The following GALNTL6 variants were observed in gnomAD, a reference collection of about 807,000 sequenced individuals.
GALNTL6 encodes the protein polypeptide N-acetylgalactosaminyltransferase-like 6.
GALNTL6 carries 46 observed loss-of-function variants against 73.7 expected under a neutral mutation model. That is an observed-to-expected ratio of 0.62 (90% CI 0.49 to 0.80). The LOEUF (loss-of-function observed/expected upper bound fraction) is 0.80. Among genes scored for constraint, GALNTL6 ranks in the 30% least tolerant of loss-of-function variants. GALNTL6 has a pLI of 0.00. For missense variants in GALNTL6, 604 were observed against 755.0 expected (o/e 0.80, Z 2.34); for synonymous variants, 259 against 263.7 (o/e 0.98, Z 0.17).
intron 2 of GALNTL6, among the ~76,000 whole-genome samples, chr4:172,164,143 G>A (rs1734552370): frequency 6.6e-6 from 1 of 151,916 alleles, no homozygotes; most frequent in Non-Finnish European, 1.5e-5. Context: ...CTTTTGACAT[G>A]GGACTGACTT....
chr4:172,428,741 CAA>C (rs1731318100), intron 5 of GALNTL6, among the ~76,000 whole-genome samples: 1 of 152,146 alleles, frequency 6.6e-6, no homozygotes. Flanking sequence ...GAGATAGAAC[CAA>C]AGAATCAAAA....
intron 5 of GALNTL6, among the ~76,000 whole-genome samples, chr4:172,676,987 A>G: frequency 6.6e-6 from 1 of 152,260 alleles, no homozygotes; most frequent in East Asian, 1.9e-4. Flanking sequence ...GTTCAACTAA[A>G]GACCTGAAAT....
intron 2 of GALNTL6, among the ~76,000 whole-genome samples, chr4:172,156,547 A>ATATATATATATATATATAG (rs1560945621): frequency 8.8e-6 from 1 of 113,774 alleles, no homozygotes; most frequent in African/African-American, 3.9e-5. Context: ...TATAATATAT[A>ATATATATATATATATATAG]TATATATATA....
At chr4:172,382,660 C>T (rs752323830) in intron 5 of GALNTL6, among the ~76,000 whole-genome samples, 4 of 152,058 alleles carry the variant, frequency 2.6e-5, no homozygotes, top group Non-Finnish European at 4.4e-5. Flanking sequence ...GTCTAAAAAA[C>T]CATTGCTTAA....
intron 4 of GALNTL6, among the ~76,000 whole-genome samples, chr4:172,318,407 G>C (rs1036662515): frequency 1.3e-5 from 2 of 152,108 alleles, no homozygotes; most frequent in African/African-American, 4.8e-5. Context: ...CTGGGTCTTT[G>C]AAAGGCTGAA....
At chr4:172,174,302 C>A (rs1380278783) in intron 2 of GALNTL6, among the ~76,000 whole-genome samples, 2 of 152,280 alleles carry the variant, frequency 1.3e-5, no homozygotes, top group Non-Finnish European at 2.9e-5. Flanking sequence ...CAATTTCCTT[C>A]TTTGAACGGT....
chr4:172,775,208 C>A (rs988003588), intron 5 of GALNTL6, among the ~76,000 whole-genome samples: 1 of 151,968 alleles, frequency 6.6e-6, no homozygotes, highest in African/African-American at 2.4e-5. Context: ...TTGTATGTCT[C>A]TTAGAGACAT....
intron 5 of GALNTL6, among the ~76,000 whole-genome samples, chr4:172,694,514 A>G (rs186886710): frequency 6.6e-6 from 1 of 152,272 alleles, no homozygotes; most frequent in African/African-American, 2.4e-5. Flanking sequence ...CGTGGTGTAT[A>G]TATGCCACAT....
chr4:172,692,877 T>C (rs1733400558), intron 5 of GALNTL6, among the ~76,000 whole-genome samples: 1 of 152,190 alleles, frequency 6.6e-6, no homozygotes, highest in South Asian at 2.1e-4. Flanking sequence ...TTTGAGACCA[T>C]GCTCATTGGT....
intron 2 of GALNTL6, among the ~76,000 whole-genome samples, chr4:172,136,999 C>G (rs1733654536): frequency 6.6e-6 from 1 of 151,994 alleles, no homozygotes; most frequent in Admixed American, 6.6e-5. Flanking sequence ...TTAACTAACT[C>G]CCATATACCC....
At position 173,022,189 on chromosome 4, in the gene GALNTL6, G is replaced by GAAGA. The variant is rs769041969; in HGVS notation, c.1638+565_1638+566insAGAA. 7.4e-5 allele frequency among the ~76,000 whole-genome samples: 10 copies of GAAGA among 134,368 alleles called. 1 individual carries two copies. The highest frequency in any genetic ancestry group is 1.6e-4 in the Non-Finnish European group (10 of 62,534). 88.2% of individuals were successfully genotyped at this position (134,368 alleles called of 152,430 possible). A position where few individuals can be genotyped will look rare whatever the true frequency, so the allele number is the denominator to read the frequency against. On this transcript the variant is annotated intron_variant, in intron 12 of 12. Coordinates refer to ENST00000506823, the MANE Select transcript of GALNTL6 (RefSeq NM_001034845.3). ...GCAGGAAGGGAGAGAGGGAGGGAGG[G>GAAGA]AGGAAGGAAGGAAGGAAGGAAGGAA...
In GALNTL6 at chr4:172,581,449, C is replaced by T. The variant is rs552530430; in HGVS notation, c.554-227912C>T. On this transcript the variant is annotated intron_variant, in intron 5 of 12. Transcript: ENST00000506823. ...TCTTCGAGTTCATCATGGCAGCCTG[C>T]CCTTGTTACTCCCCATGTAGACAGC... is the stretch of plus-strand genomic sequence containing the variant. 3.9e-5 allele frequency among the ~76,000 whole-genome samples: 6 copies of T among 152,292 alleles called. 1 individual carries two copies. In the South Asian group the frequency reaches 8.3e-4, roughly 21 times the overall value.
rs77128074 is a variant in GALNTL6 at position 172,614,286 on chromosome 4, G to T, written c.554-195075G>T. On this transcript the variant is annotated intron_variant, in intron 5 of 12. Coordinates refer to ENST00000506823, the MANE Select transcript of GALNTL6 (RefSeq NM_001034845.3). Reference sequence around the variant, plus strand: ...AAAAAAATTGTCTCTCTATTTCACAGAAAAACTAATTATTTTTTGATTTCT... The same window carrying T: ...AAAAAAATTGTCTCTCTATTTCACATAAAAACTAATTATTTTTTGATTTCT... Among the ~76,000 whole-genome samples, 714 of 152,200 alleles carry T rather than the reference G, an allele frequency of 4.7e-3. 9 individuals are homozygous for T. The highest frequency in any genetic ancestry group is 0.016 in the African/African-American group (677 of 41,542).
chr4:172,202,554 T>C (rs778508313), intron 2 of GALNTL6, among the ~76,000 whole-genome samples: 4 of 152,118 alleles, frequency 2.6e-5, no homozygotes, highest in Non-Finnish European at 5.9e-5. Context: ...ATATAGATAA[T>C]TATATTGGGT....
At chr4:171,962,967 T>C (rs528258923) in intron 2 of GALNTL6, among the ~76,000 whole-genome samples, 2 of 151,814 alleles carry the variant, frequency 1.3e-5, no homozygotes, top group Admixed American at 1.3e-4. Flanking sequence ...GGGGTTTCAC[T>C]ATGTTGGCCA....
At chr4:172,588,873 A>C (rs1737528552) in intron 5 of GALNTL6, among the ~76,000 whole-genome samples, 1 of 152,198 alleles carries the variant, frequency 6.6e-6, no homozygotes, top group Non-Finnish European at 1.5e-5. Context: ...AATAGCTCTA[A>C]CCATAATGAA....
At chr4:172,616,240 A>G (rs1738723883) in intron 5 of GALNTL6, among the ~76,000 whole-genome samples, 1 of 152,174 alleles carries the variant, frequency 6.6e-6, no homozygotes, top group Non-Finnish European at 1.5e-5. Context: ...AGTTGAGAGA[A>G]TGTTCTTTAT....
In GALNTL6 at chr4:171,900,294, C is replaced by T. The variant is rs191447982; in HGVS notation, c.138+85576C>T. Among the ~76,000 whole-genome samples, 222 of 152,028 alleles carry T rather than the reference C, an allele frequency of 1.5e-3. 1 individual carries two copies. Among genetic ancestry groups the T allele is most frequent in the Admixed American group, 9.8e-3 (149 of 15,256 alleles). On this transcript the variant is annotated intron_variant, in intron 2 of 12. Coordinates refer to ENST00000506823, the MANE Select transcript of GALNTL6 (RefSeq NM_001034845.3). Reference sequence around the variant, plus strand: ...TTGAAATCATCCCACAAGTCTCATACTTAGTGATATTTTATTTATTTATTT... The same window carrying T: ...TTGAAATCATCCCACAAGTCTCATATTTAGTGATATTTTATTTATTTATTT...
chr4:172,181,478 C>T (rs1735240777), intron 2 of GALNTL6, among the ~76,000 whole-genome samples: 1 of 152,040 alleles, frequency 6.6e-6, no homozygotes, highest in Non-Finnish European at 1.5e-5. Flanking sequence ...ATGACAAACC[C>T]ACAGCCAATA....
Sources: gnomAD v4.1 joint callset for allele counts (sites outside exome capture counted in the v4.1 genomes callset) on GRCh38, gnomAD v4.1.1 for gene constraint, MANE v1.5 for transcripts, NCBI Gene and HGNC (gene_info 2026-07-23, HGNC 2026-07-21) for gene names.